The following PGCKA1 variants were observed in gnomAD, a reference collection of about 807,000 sequenced individuals.
PGCKA1 encodes PDCD10 and GCKIII kinases-associated protein 1.
At chr4:37,560,556 A>G in the PGCKA1 span, among the ~76,000 whole-genome samples, 1 of 152,278 alleles carries the variant, frequency 6.6e-6, no homozygotes, top group South Asian at 2.1e-4. Flanking sequence ...GCTGCCTTTC[A>G]GTCGTTGCTC....
the PGCKA1 span, among the ~76,000 whole-genome samples, chr4:37,496,426 T>C: frequency 2.0e-5 from 3 of 152,216 alleles, no homozygotes; most frequent in Non-Finnish European, 4.4e-5. Flanking sequence ...TGGATGGCCT[T>C]ATTTCTGGGC....
chr4:37,590,906 A>T, the PGCKA1 span: 3 of 1,614,206 alleles, frequency 1.9e-6, no homozygotes, highest in Non-Finnish European at 1.7e-6. Context: ...GGAGATGGGG[A>T]TGGGGAGATT....
At chr4:37,483,107 G>A in the PGCKA1 span, among the ~76,000 whole-genome samples, 1 of 152,142 alleles carries the variant, frequency 6.6e-6, no homozygotes, top group African/African-American at 2.4e-5. Flanking sequence ...CTATTCTTGT[G>A]ATAGTGAGTA....
chr4:37,571,756 C>T, the PGCKA1 span, among the ~76,000 whole-genome samples: 11 of 151,914 alleles, frequency 7.2e-5, no homozygotes, highest in Admixed American at 2.0e-4. Context: ...CCAGGATGGT[C>T]TCGATCTCCT....
the PGCKA1 span, among the ~76,000 whole-genome samples, chr4:37,468,907 C>A: frequency 2.0e-5 from 3 of 152,078 alleles, no homozygotes; most frequent in African/African-American, 7.2e-5. Context: ...AAACGTTAAG[C>A]CTCATAACTA....
At chr4:37,476,820 G>A in the PGCKA1 span, among the ~76,000 whole-genome samples, 78,616 of 151,952 alleles carry the variant, frequency 0.52, 20,678 homozygotes, top group Admixed American at 0.57. Context: ...TACCTTGCCT[G>A]CAGCAGGTAC....
the PGCKA1 span, among the ~76,000 whole-genome samples, chr4:37,535,247 G>T: frequency 2.6e-5 from 4 of 152,194 alleles, no homozygotes; most frequent in African/African-American, 9.7e-5. Context: ...CGAGGGCTGG[G>T]CGTGGTGGCT....
chr4:37,577,729 G>T, the PGCKA1 span, among the ~76,000 whole-genome samples: 1 of 152,096 alleles, frequency 6.6e-6, no homozygotes, highest in Admixed American at 6.6e-5. Flanking sequence ...GGATCCCATA[G>T]ATTTTGGTCT....
chr4:37,489,832 A>G, the PGCKA1 span, among the ~76,000 whole-genome samples: 1 of 152,190 alleles, frequency 6.6e-6, no homozygotes, highest in African/African-American at 2.4e-5. Context: ...AGCAAAGGAA[A>G]GCTTTAGTGT....
At chr4:37,509,459 G>A in the PGCKA1 span, among the ~76,000 whole-genome samples, 4 of 144,452 alleles carry the variant, frequency 2.8e-5, no homozygotes, top group African/African-American at 1.0e-4. Flanking sequence ...GGGCAGAGAC[G>A]CTCCTCACTT....
the PGCKA1 span, chr4:37,591,578 G>C: frequency 6.6e-6 from 1 of 152,242 alleles, no homozygotes; most frequent in Non-Finnish European, 1.5e-5. Context: ...TTTCACAGTA[G>C]AGCAGAAGTC....
chr4:37,504,156 T>C, the PGCKA1 span, among the ~76,000 whole-genome samples: 1 of 152,218 alleles, frequency 6.6e-6, no homozygotes, highest in Non-Finnish European at 1.5e-5. Context: ...TTTCATTCTT[T>C]TGCATATGGC....
At chr4:37,535,064 A>G in the PGCKA1 span, among the ~76,000 whole-genome samples, 3 of 152,184 alleles carry the variant, frequency 2.0e-5, no homozygotes, top group Non-Finnish European at 4.4e-5. Context: ...CAGAACTAGG[A>G]CAACTAATCC....
At chr4:37,527,301 T>A in the PGCKA1 span, among the ~76,000 whole-genome samples, 1 of 152,120 alleles carries the variant, frequency 6.6e-6, no homozygotes, top group African/African-American at 2.4e-5. Context: ...AAGAAAAATA[T>A]TTTAAAATAA....
chr4:37,590,272 C>T, the PGCKA1 span: 1 of 1,614,126 alleles, frequency 6.2e-7, no homozygotes, highest in Non-Finnish European at 8.5e-7. Flanking sequence ...GACAGCTGAT[C>T]CATGGGAGCC....
chr4:37,575,287 A>G, the PGCKA1 span, among the ~76,000 whole-genome samples: 1 of 152,156 alleles, frequency 6.6e-6, no homozygotes, highest in Non-Finnish European at 1.5e-5. Flanking sequence ...GATAAAAGCC[A>G]TTCTAACAGG....
At chr4:37,471,090 A>G in the PGCKA1 span, among the ~76,000 whole-genome samples, 1 of 152,228 alleles carries the variant, frequency 6.6e-6, no homozygotes, top group East Asian at 1.9e-4. Context: ...CTAAAAGAAA[A>G]ACATTAACTA....
the PGCKA1 span, among the ~76,000 whole-genome samples, chr4:37,592,160 G>T: frequency 6.8e-6 from 1 of 146,226 alleles, no homozygotes; most frequent in African/African-American, 2.5e-5. Flanking sequence ...AGTGAGCTGA[G>T]ATCGTGCCAC....
the PGCKA1 span, among the ~76,000 whole-genome samples, chr4:37,522,073 G>A: frequency 1.3e-5 from 2 of 151,706 alleles, no homozygotes; most frequent in Admixed American, 6.6e-5. Context: ...AAGGCCTATG[G>A]CCTTGGCTCC....
Sources: gnomAD v4.1 joint callset for allele counts (sites outside exome capture counted in the v4.1 genomes callset) on GRCh38, gnomAD v4.1.1 for gene constraint, MANE v1.5 for transcripts, NCBI Gene and HGNC (gene_info 2026-07-23, HGNC 2026-07-21) for gene names.